Variants in GNB4 observed in about 807,000 individuals in gnomAD.
GNB4 encodes G protein subunit beta 4, also known as guanine nucleotide-binding protein subunit beta-4.
A neutral mutation model predicts 45.2 loss-of-function variants in GNB4; 28 were observed. The observed-to-expected ratio is 0.62, with a 90% CI of 0.46 to 0.85. The LOEUF is 0.85. GNB4 is among the 40% of genes least tolerant of loss of function. The pLI, the probability that GNB4 is intolerant of heterozygous loss-of-function variation, is 0.00. For missense variants in GNB4, 321 were observed against 425.4 expected (o/e 0.75, Z 2.16); for synonymous variants, 132 against 143.7 (o/e 0.92, Z 0.58).
chr3:179,449,860 A>C (rs1715824381), intron 1 of GNB4, among the ~76,000 whole-genome samples: 1 of 152,240 alleles, frequency 6.6e-6, no homozygotes, highest in Non-Finnish European at 1.5e-5. Context: ...ACTTAGTTCC[A>C]ATTCTTAATT....
At position 179,397,339 on chromosome 3, in the gene GNB4, A is replaced by G. The variant is rs1195714564; in HGVS notation, c.*3874T>C. Reference sequence around the variant, plus strand: ...AAGTATTAGAGGAGCTAGTTATACAATATTGGCACAGCATTTTTAAGCAAT... The same window carrying G: ...AAGTATTAGAGGAGCTAGTTATACAGTATTGGCACAGCATTTTTAAGCAAT... On this transcript the variant is annotated 3_prime_UTR_variant, in exon 10 of 10. Transcript: ENST00000232564. The G allele has an allele frequency of 6.6e-6, 1 of 152,252 alleles. No homozygotes were observed. The highest frequency in any genetic ancestry group is 6.5e-5 in the Admixed American group (1 of 15,286). The allele number at this position is 152,252 out of a possible 1,614,324, so 9.4% of individuals were successfully genotyped here.
chr3:179,404,871 A>G (rs1430253891), intron 9 of GNB4, among the ~76,000 whole-genome samples: 2 of 152,164 alleles, frequency 1.3e-5, no homozygotes, highest in Admixed American at 6.5e-5. Context: ...AGCAGTTACA[A>G]TGTTTCCTGT....
In GNB4 at chr3:179,396,363, A is replaced by G. The variant is rs191827609; in HGVS notation, c.*4850T>C. ...ACAAACACTTTCAGAATGCTTTAAC[A>G]GAAAAATAATTTTAATCAACTTTAA... On this transcript the variant is annotated 3_prime_UTR_variant, in exon 10 of 10. Transcript: ENST00000232564. 6 of 152,348 alleles carry G rather than the reference A, an allele frequency of 3.9e-5. No homozygotes were observed. In the East Asian group the frequency reaches 1.2e-3, roughly 29 times the overall value. The allele number at this position is 152,348 out of a possible 1,614,324, so 9.4% of individuals were successfully genotyped here. A position where few individuals can be genotyped will look rare whatever the true frequency, so the allele number is the denominator to read the frequency against.
rs936129765 is a variant in GNB4, at chr3:179,399,683, C to A, written c.*1530G>T. The A allele has an allele frequency of 4.6e-5, 7 of 152,094 alleles. No homozygotes were observed. The highest frequency in any genetic ancestry group is 7.3e-5 in the Non-Finnish European group (5 of 68,032). 9.4% of individuals were successfully genotyped at this position (152,094 alleles called of 1,614,324 possible). A position where few individuals can be genotyped will look rare whatever the true frequency, so the allele number is the denominator to read the frequency against. ...GATGCACATATTAGCACATTCACAA[C>A]ATAAAAACAAAAATTTAGAGGTAAA... On this transcript the variant is annotated 3_prime_UTR_variant, in exon 10 of 10. Transcript: ENST00000232564.
At chr3:179,502,130 C>G in the GNB4 span, among the ~76,000 whole-genome samples, 1 of 150,856 alleles carries the variant, frequency 6.6e-6, no homozygotes, top group Non-Finnish European at 1.5e-5. Context: ...GTATTGTTTT[C>G]ATATTATTAA....
At position 179,398,812 on chromosome 3, in the gene GNB4, A is replaced by G. The variant is rs1027747581; in HGVS notation, c.*2401T>C. On this transcript the variant is annotated 3_prime_UTR_variant, in exon 10 of 10. Transcript: ENST00000232564. ...GAGGCTACTCTGTCGCCATTTGTTT[A>G]TGTGTATAATTAACCACAAGTGTTA... The G allele has an allele frequency of 1.3e-5, 2 of 151,216 alleles. No homozygotes were observed. The highest frequency in any genetic ancestry group is 4.9e-5 in the African/African-American group (2 of 41,220). The allele number at this position is 151,216 out of a possible 1,614,324, so 9.4% of individuals were successfully genotyped here. A position where few individuals can be genotyped will look rare whatever the true frequency, so the allele number is the denominator to read the frequency against.
chr3:179,508,916 C>T, the GNB4 span, among the ~76,000 whole-genome samples: 5 of 85,058 alleles, frequency 5.9e-5, no homozygotes, highest in African/African-American at 3.3e-4. Flanking sequence ...GAATCAAAAC[C>T]TCTCTTTCAG....
chr3:179,422,474 A>C (rs1715019888), intron 2 of GNB4, among the ~76,000 whole-genome samples: 1 of 139,844 alleles, frequency 7.2e-6, no homozygotes, highest in Admixed American at 7.2e-5. Context: ...AAAAAAAAAA[A>C]GCAAAACAAA....
At chr3:179,492,297 T>C in the GNB4 span, among the ~76,000 whole-genome samples, 1 of 152,070 alleles carries the variant, frequency 6.6e-6, no homozygotes, top group East Asian at 1.9e-4. Flanking sequence ...CCACTGTGCT[T>C]CCCCTAGGAA....
the GNB4 span, among the ~76,000 whole-genome samples, chr3:179,504,333 T>A: frequency 1.3e-5 from 2 of 152,216 alleles, no homozygotes; most frequent in East Asian, 3.8e-4. Flanking sequence ...TATGATTTTC[T>A]TTTGTCTTAC....
chr3:179,499,086 A>C, the GNB4 span, among the ~76,000 whole-genome samples: 3 of 151,366 alleles, frequency 2.0e-5, no homozygotes, highest in Non-Finnish European at 4.4e-5. Flanking sequence ...CCTACAAAGG[A>C]CATTAACTCA....
chr3:179,492,370 G>A, the GNB4 span, among the ~76,000 whole-genome samples: 1 of 152,126 alleles, frequency 6.6e-6, no homozygotes, highest in South Asian at 2.1e-4. Context: ...CCACCCATGA[G>A]GCTGGAGCTG....
At chr3:179,406,934 A>T (rs1485204618) in intron 8 of GNB4, among the ~76,000 whole-genome samples, 3 of 152,104 alleles carry the variant, frequency 2.0e-5, no homozygotes, top group African/African-American at 7.2e-5. Context: ...ATTACTTTTT[A>T]AAAAGTACTT....
chr3:179,464,507 G>A, the GNB4 span: 1 of 1,611,656 alleles, frequency 6.2e-7, no homozygotes, highest in Non-Finnish European at 8.5e-7. Flanking sequence ...AGGAAGTGCG[G>A]CAGGAGGTAG....
chr3:179,445,277 AC>A (rs1451241622), intron 1 of GNB4, among the ~76,000 whole-genome samples: 1 of 152,050 alleles, frequency 6.6e-6, no homozygotes, highest in Non-Finnish European at 1.5e-5. Flanking sequence ...AGTACTTTAT[AC>A]TTTTTTTTCC....
the GNB4 span, chr3:179,465,352 C>A: frequency 9.8e-7 from 1 of 1,019,314 alleles, no homozygotes; most frequent in Non-Finnish European, 1.5e-6. Context: ...ACCTGTAATC[C>A]CAGCACTTTG....
At chr3:179,524,523 C>A in the GNB4 span, among the ~76,000 whole-genome samples, 1 of 148,280 alleles carries the variant, frequency 6.7e-6, no homozygotes. Flanking sequence ...TAACTCTTCT[C>A]TATTATTGTA....
chr3:179,519,549 G>C, the GNB4 span, among the ~76,000 whole-genome samples: 1 of 152,016 alleles, frequency 6.6e-6, no homozygotes, highest in South Asian at 2.1e-4. Context: ...CCCAACTCTG[G>C]TGCCAACTTG....
At chr3:179,523,810 G>C in the GNB4 span, among the ~76,000 whole-genome samples, 2 of 152,094 alleles carry the variant, frequency 1.3e-5, no homozygotes, top group African/African-American at 4.8e-5. Context: ...GGATGCAAAG[G>C]AGGCTTTGAA....
Sources: allele counts gnomAD v4.1 joint callset (sites outside exome capture counted in the v4.1 genomes callset), GRCh38; gene constraint gnomAD v4.1.1; transcripts MANE v1.5; gene names NCBI Gene and HGNC (gene_info 2026-07-23, HGNC 2026-07-21).